AKR1C8: variants seen among roughly 807,000 people sequenced by gnomAD.
AKR1C8 encodes aldo-keto reductase family 1 member C-like protein 1.
the AKR1C8 span, among the ~76,000 whole-genome samples, chr10:5,132,379 CA>C: frequency 1.3e-5 from 2 of 152,090 alleles, no homozygotes; most frequent in Non-Finnish European, 2.9e-5. Context: ...AGCTGTGGCT[CA>C]AAAAAGTAAA....
the AKR1C8 span, among the ~76,000 whole-genome samples, chr10:5,178,487 C>CT: frequency 6.6e-6 from 1 of 152,120 alleles, no homozygotes; most frequent in Non-Finnish European, 1.5e-5. Context: ...CTGTAGATGT[C>CT]TATTAGGTCC....
the AKR1C8 span, chr10:5,158,510 T>C: frequency 2.5e-6 from 1 of 404,364 alleles, no homozygotes; most frequent in South Asian, 1.9e-5. Context: ...AGCTTTTTTA[T>C]AATACAATTT....
At chr10:5,146,330 T>C in the AKR1C8 span, among the ~76,000 whole-genome samples, 3 of 151,984 alleles carry the variant, frequency 2.0e-5, no homozygotes, top group African/African-American at 7.2e-5. Flanking sequence ...ACATGTACCC[T>C]AAAACTTAAA....
the AKR1C8 span, among the ~76,000 whole-genome samples, chr10:5,156,712 A>AT: frequency 6.6e-6 from 1 of 152,294 alleles, no homozygotes; most frequent in Non-Finnish European, 1.5e-5. Context: ...TAAAATGGGC[A>AT]TTTTTTGTTT....
chr10:5,164,349 A>T, the AKR1C8 span, among the ~76,000 whole-genome samples: 1 of 151,798 alleles, frequency 6.6e-6, no homozygotes, highest in South Asian at 2.1e-4. Flanking sequence ...TTCTTCTTTC[A>T]TTTATTAAAC....
the AKR1C8 span, among the ~76,000 whole-genome samples, chr10:5,156,554 A>ATCTATCTATCTATCTATCTATCTATCTT: frequency 8.5e-4 from 129 of 151,874 alleles, no homozygotes; most frequent in East Asian, 1.9e-3. Flanking sequence ...CTATCTATCT[A>ATCTATCTATCTATCTATCTATCTATCTT]ATGTATTTAT....
chr10:5,119,287 A>G, the AKR1C8 span, among the ~76,000 whole-genome samples: 2 of 152,228 alleles, frequency 1.3e-5, no homozygotes, highest in African/African-American at 4.8e-5. Context: ...ATCTTAATAA[A>G]TTAATGAGAT....
At chr10:5,122,486 C>T in the AKR1C8 span, among the ~76,000 whole-genome samples, 1 of 152,136 alleles carries the variant, frequency 6.6e-6, no homozygotes, top group Non-Finnish European at 1.5e-5. Flanking sequence ...AGACACAATA[C>T]CTGCCACCTG....
the AKR1C8 span, chr10:5,132,581 T>C: frequency 1.3e-6 from 2 of 1,519,030 alleles, no homozygotes; most frequent in South Asian, 2.6e-5. Flanking sequence ...TGTGCATGCA[T>C]GCTTATCATA....
chr10:5,127,256 G>A, the AKR1C8 span, among the ~76,000 whole-genome samples: 59,563 of 151,704 alleles, frequency 0.39, 12,493 homozygotes, highest in Non-Finnish European at 0.43. Context: ...AAATTTTCCA[G>A]AGAGATAGAT....
the AKR1C8 span, chr10:5,163,117 G>C: frequency 2.4e-6 from 1 of 418,616 alleles, no homozygotes; most frequent in South Asian, 1.9e-5. Context: ...TCTGCTGGCC[G>C]CCTCCTCCAA....
chr10:5,166,601 C>T, the AKR1C8 span, among the ~76,000 whole-genome samples: 11,511 of 152,166 alleles, frequency 0.076, 509 homozygotes, highest in African/African-American at 0.1. Flanking sequence ...AAAGCTGAAA[C>T]TGGATCCCTT....
the AKR1C8 span, among the ~76,000 whole-genome samples, chr10:5,140,625 C>A: frequency 1.3e-5 from 2 of 149,090 alleles, no homozygotes; most frequent in East Asian, 4.1e-4. Context: ...GGGCGGGAAA[C>A]ATCACACACC....
At chr10:5,174,292 A>C in the AKR1C8 span, among the ~76,000 whole-genome samples, 74 of 114,140 alleles carry the variant, frequency 6.5e-4, 1 homozygote, top group African/African-American at 2.1e-3. Flanking sequence ...AAAAAAAAAA[A>C]CTCTAATTAA....
the AKR1C8 span, among the ~76,000 whole-genome samples, chr10:5,178,087 G>C: frequency 3.3e-3 from 502 of 152,124 alleles, 4 homozygotes; most frequent in African/African-American, 0.011. Context: ...GTCAATTTTA[G>C]ATCTTTCCTT....
At chr10:5,184,106 G>C in the AKR1C8 span, among the ~76,000 whole-genome samples, 1 of 152,106 alleles carries the variant, frequency 6.6e-6, no homozygotes, top group Admixed American at 6.5e-5. Flanking sequence ...CCCAGGCCAA[G>C]CTATCACTTC....
chr10:5,182,018 A>G, the AKR1C8 span, among the ~76,000 whole-genome samples: 1 of 152,182 alleles, frequency 6.6e-6, no homozygotes. Flanking sequence ...AATCCTTTTT[A>G]ACTTTTCACT....
the AKR1C8 span, among the ~76,000 whole-genome samples, chr10:5,156,890 G>C: frequency 6.6e-6 from 1 of 152,118 alleles, no homozygotes; most frequent in Admixed American, 6.6e-5. Context: ...TTTAAAATGA[G>C]AAACAGCTTA....
chr10:5,161,723 C>T, the AKR1C8 span: 5 of 534,264 alleles, frequency 9.4e-6, no homozygotes, highest in African/African-American at 1.9e-5. Flanking sequence ...AAAGTTTTGG[C>T]AATCCTATGC....
Sources: gnomAD v4.1 joint callset for allele counts (sites outside exome capture counted in the v4.1 genomes callset) on GRCh38, gnomAD v4.1.1 for gene constraint, MANE v1.5 for transcripts, NCBI Gene and HGNC (gene_info 2026-07-23, HGNC 2026-07-21) for gene names.